The following MED25 variants were observed in gnomAD, a reference collection of about 807,000 sequenced individuals.
MED25 encodes mediator of RNA polymerase II transcription subunit 25.
Under a neutral mutation model 89.4 loss-of-function variants are expected in MED25, and 62 were observed. The observed-to-expected ratio is 0.69, with a 90% confidence interval of 0.57 to 0.86. MED25 has a LOEUF of 0.86. MED25 is among the 40% of genes least tolerant of loss of function. The pLI is 0.00. For missense variants in MED25, 905 were observed against 1,005.2 expected (o/e 0.90, Z 1.35); for synonymous variants, 449 against 427.9 (o/e 1.05, Z -0.61).
At chr19:49,818,758 G>C (rs2073958208) in intron 2 of MED25, 142 bp downstream of exon 2, 2 of 850,294 alleles carry the variant, frequency 2.4e-6, no homozygotes, top group Non-Finnish European at 3.8e-6. Flanking sequence ...TGTTCTGAGG[G>C]AGGAGGGCCT....
chr19:49,828,146 A>G (rs1256553455), intron 3 of MED25, among the ~76,000 whole-genome samples: 3 of 151,882 alleles, frequency 2.0e-5, no homozygotes, highest in Non-Finnish European at 4.4e-5. Flanking sequence ...GGAGAATGGC[A>G]TGAACCCAGG....
chr19:49,827,778 T>C (rs2074025276), intron 3 of MED25, among the ~76,000 whole-genome samples: 1 of 152,000 alleles, frequency 6.6e-6, no homozygotes, highest in Non-Finnish European at 1.5e-5. Flanking sequence ...GAAGGTGAAG[T>C]GGGGCCAGGA....
At position 49,836,511 on chromosome 19, in the gene MED25, C is replaced by T; in HGVS notation, c.2146+105C>T. 7.2e-7 allele frequency: 1 copy of T among 1,382,968 alleles called. No individual in the cohort carries two copies. Among genetic ancestry groups the T allele is most frequent in the Non-Finnish European group, 1.0e-6 (1 of 994,698 alleles). 85.7% of individuals were successfully genotyped at this position (1,382,968 alleles called of 1,614,324 possible). Reference sequence around the variant, plus strand: ...TCCTGGGAAGTAAAGACATAGGATCCAAGAATGAGGGTTCCCCCATGGCCT... The same window carrying T: ...TCCTGGGAAGTAAAGACATAGGATCTAAGAATGAGGGTTCCCCCATGGCCT... On this transcript the variant is annotated intron_variant, in intron 17 of 17. Transcript: ENST00000312865. This position sits in a 1 kb window ranked among gnomAD's most constrained non-coding sequence, Gnocchi z 5.1.
At position 49,818,854 on chromosome 19, in the gene MED25, T is replaced by C. The variant is rs1674134; in HGVS notation, c.180+238T>C. On this transcript the variant is annotated intron_variant, in intron 2 of 17. Coordinates refer to ENST00000312865, the MANE Select transcript of MED25 (RefSeq NM_030973.4). ...GGGAGGAGGGAGCTAGGGGCCCAGA[T>C]CCCTGGGTCTGAGGGAGGAAGGGCT... 369,682 of 590,184 alleles carry C rather than the reference T, an allele frequency of 0.63. 117,573 individuals carry two copies. Among genetic ancestry groups the C allele is most frequent in the East Asian group, 0.79 (26,937 of 34,256 alleles). 36.6% of individuals were successfully genotyped at this position (590,184 alleles called of 1,614,324 possible).
Position 49,836,338 on chromosome 19 carries a change from C to A in MED25, c.2078C>A (p.Pro693His). Residue 693 changes from proline to histidine, a missense_variant, in exon 17 of 18, where the codon CCC becomes CAC. Pro to His is a moderately conservative substitution (Grantham distance 77, BLOSUM62 -2). Coordinates refer to ENST00000312865, the MANE Select transcript of MED25 (RefSeq NM_030973.4). This position sits in a 1 kb window ranked among gnomAD's most constrained non-coding sequence, Gnocchi z 5.1. ...HQGLGQPQLGPPLLHPPPAQS... is the reference protein window; with the variant it reads ...HQGLGQPQLGHPLLHPPPAQS... Reference sequence around the variant, plus strand: ...GGCCTGGGGCAGCCCCAGTTGGGGCCCCCACTCCTGCATCCACCACCTGCC... The same window carrying A: ...GGCCTGGGGCAGCCCCAGTTGGGGCACCCACTCCTGCATCCACCACCTGCC... 6.2e-7 allele frequency: 1 copy of A among 1,609,886 alleles called. No individual in the cohort carries two copies. Among genetic ancestry groups the A allele is most frequent in the Non-Finnish European group, 8.5e-7 (1 of 1,178,620 alleles).
Position 49,822,796 on chromosome 19 carries a change from C to T in MED25, c.305+3500C>T, listed in dbSNP as rs543957651. Among the ~76,000 whole-genome samples, 831 of 151,696 alleles carry T rather than the reference C, an allele frequency of 5.5e-3. 7 individuals are homozygous for T. Among genetic ancestry groups the T allele is most frequent in the African/African-American group, 0.019 (804 of 41,356 alleles). ...CTGAGTAGCTGGGACTACAGGTGCC[C>T]GCCACCACACCCAGCTAATTTTTTG... is the stretch of plus-strand genomic sequence containing the variant. On this transcript the variant is annotated intron_variant, in intron 3 of 17. Coordinates refer to ENST00000312865, the MANE Select transcript of MED25 (RefSeq NM_030973.4).
At chr19:49,838,716 C>T (rs2074116065), downstream of MED25, 1 of 456,640 alleles carries the variant, frequency 2.2e-6, no homozygotes, top group Non-Finnish European at 4.4e-6. Context: ...AAGAATACAA[C>T]CTGAAACGCC....
chr19:49,818,864 T>G, intron 2 of MED25: 1 of 576,166 alleles, frequency 1.7e-6, no homozygotes, highest in Non-Finnish European at 3.0e-6. Context: ...TCCCTGGGTC[T>G]GAGGGAGGAA....
In MED25 at chr19:49,830,248, T is replaced by C. The variant is rs776274326; in HGVS notation, c.819+30T>C. On this transcript the variant is annotated intron_variant, in intron 7 of 17. Transcript: ENST00000312865. The surrounding 1 kb of genome is among the most constrained non-coding windows in gnomAD (Gnocchi z 4.6). Reference sequence around the variant, plus strand: ...GGATATTTCCGGGAAGGGACATGCTTCTGGGGACTTGCTGGAGCCCTGGCC... The same window carrying C: ...GGATATTTCCGGGAAGGGACATGCTCCTGGGGACTTGCTGGAGCCCTGGCC... The C allele has an allele frequency of 5.0e-6, 8 of 1,602,108 alleles. No homozygotes were observed. The highest frequency in any genetic ancestry group is 1.3e-5 in the African/African-American group (1 of 74,638).
rs962814936 is a variant in MED25, at chr19:49,830,205, C to A, written c.806C>A (p.Pro269His). The A allele has an allele frequency of 6.2e-7, 1 of 1,607,460 alleles. No individual in the cohort carries two copies. Among genetic ancestry groups the A allele is most frequent in the South Asian group, 1.1e-5 (1 of 90,826 alleles). Residue 269 changes from proline to histidine, a missense_variant, in exon 7 of 18, where the codon CCC becomes CAC. By Grantham distance (77) the Pro-to-His change is moderately conservative. Around this residue, in one of 3 missense-constraint regions of MED25, gnomAD observed 501 missense variants for 526.9 expected, o/e 0.95. Coordinates refer to ENST00000312865, the MANE Select transcript of MED25 (RefSeq NM_030973.4). This position sits in a 1 kb window ranked among gnomAD's most constrained non-coding sequence, Gnocchi z 4.6. The part of the protein sequence containing the change: ...AAPQQPLPPV[P>H]PQYQVPGNLS... ...CCCCAGCAGCCTCTGCCCCCCGTCC[C>A]CCCGCAGTACCAGGTATGGATATTT...
Position 49,834,490 on chromosome 19 carries a change from C to G in MED25, c.1483-496C>G, listed in dbSNP as rs541044254. On this transcript the variant is annotated intron_variant, in intron 13 of 17. Coordinates refer to ENST00000312865, the MANE Select transcript of MED25 (RefSeq NM_030973.4). This position sits in a 1 kb window ranked among gnomAD's most constrained non-coding sequence, Gnocchi z 4.1. ...AGGGCTCTTGCTGTGGATCAGACATCGCATAGTCACAGCGACCCTGTGATG... is the reference window on the plus strand; with the variant it reads ...AGGGCTCTTGCTGTGGATCAGACATGGCATAGTCACAGCGACCCTGTGATG... The G allele has an allele frequency of 5.0e-6, 1 of 199,412 alleles. No homozygotes were observed. The highest frequency in any genetic ancestry group is 5.3e-5 in the Admixed American group (1 of 19,040). The allele number at this position is 199,412 out of a possible 1,614,324, so 12.4% of individuals were successfully genotyped here.
Position 49,831,924 on chromosome 19 carries a change from T to A in MED25, c.1231-12T>A. 6.2e-7 allele frequency: 1 copy of A among 1,613,558 alleles called. No individual in the cohort carries two copies. The highest frequency in any genetic ancestry group is 8.5e-7 in the Non-Finnish European group (1 of 1,179,554). ...GGCCCTTTTTACTGACATGCTCTTTTTTCCCCCTCAGAAACCCAAACCTGC... is the reference window on the plus strand; with the variant it reads ...GGCCCTTTTTACTGACATGCTCTTTATTCCCCCTCAGAAACCCAAACCTGC... On this transcript the variant is annotated splice_polypyrimidine_tract_variant and intron_variant, in intron 10 of 17. Coordinates refer to ENST00000312865, the MANE Select transcript of MED25 (RefSeq NM_030973.4). The surrounding 1 kb of genome is among the most constrained non-coding windows in gnomAD (Gnocchi z 5.0).
rs770118042 is a variant in MED25 at position 49,835,688 on chromosome 19, C to T, written c.1747-39C>T. Reference sequence around the variant, plus strand: ...TGTGCCTGCAGAAGGGGCGTGAGGCCCTGCCCATCTCCCTCACCCCTGTGT... The same window carrying T: ...TGTGCCTGCAGAAGGGGCGTGAGGCTCTGCCCATCTCCCTCACCCCTGTGT... On this transcript the variant is annotated intron_variant, in intron 15 of 17. Transcript: ENST00000312865. The surrounding 1 kb of genome is among the most constrained non-coding windows in gnomAD (Gnocchi z 6.2). 7 of 1,595,436 alleles carry T rather than the reference C, an allele frequency of 4.4e-6. No individual in the cohort carries two copies. In the East Asian group the frequency reaches 6.9e-5, roughly 16 times the overall value.
chr19:49,820,921 T>A (rs2073977128), intron 3 of MED25, among the ~76,000 whole-genome samples: 1 of 152,212 alleles, frequency 6.6e-6, no homozygotes, highest in African/African-American at 2.4e-5. Context: ...GAAGTGGGGA[T>A]GTGGATAGTA....
Position 49,830,812 on chromosome 19 carries a change from C to T in MED25, c.1026C>T (p.Ser342=). 1.2e-6 allele frequency: 2 copies of T among 1,613,466 alleles called. No individual in the cohort carries two copies. Among genetic ancestry groups the T allele is most frequent in the Non-Finnish European group, 1.7e-6 (2 of 1,179,886 alleles). Residue 342 remains serine, a synonymous_variant, in exon 9 of 18, where the codon TCC becomes TCT. Coordinates refer to ENST00000312865, the MANE Select transcript of MED25 (RefSeq NM_030973.4). This position sits in a 1 kb window ranked among gnomAD's most constrained non-coding sequence, Gnocchi z 4.6. The stretch of plus-strand genomic sequence containing the variant: ...GCGCCCCCAAGCCACCACCTGCTTC[C>T]CAGCCCAGTCTGGTCTCCACTGTGG... ...PPGAPKPPPA[S]QPSLVSTVAP...
chr19:49,818,532 T>G, intron 1 of MED25, 39 bp from the exon 2 acceptor site: 1 of 1,614,232 alleles, frequency 6.2e-7, no homozygotes, highest in Non-Finnish European at 8.5e-7. Flanking sequence ...TCGCACAGTT[T>G]CTTGCCTGAC....
In MED25 at chr19:49,834,733, G is replaced by T; in HGVS notation, c.1483-253G>T. ...CCATGAGGAGCAGGTGGTGGCTGAA[G>T]GTTGAAGAGCTGGGCTCCAGCACTT... On this transcript the variant is annotated intron_variant, in intron 13 of 17. Transcript: ENST00000312865. This position sits in a 1 kb window ranked among gnomAD's most constrained non-coding sequence, Gnocchi z 4.1. 1 of 559,620 alleles carries T rather than the reference G, an allele frequency of 1.8e-6. No homozygotes were observed. The highest frequency in any genetic ancestry group is 3.2e-6 in the Non-Finnish European group (1 of 311,098). The allele number at this position is 559,620 out of a possible 1,614,324, so 34.7% of individuals were successfully genotyped here.
chr19:49,837,780 G>A (rs117882356), downstream of MED25, among the ~76,000 whole-genome samples: 526 of 152,252 alleles, frequency 3.5e-3, 8 homozygotes, highest in East Asian at 0.051. Context: ...GTGTCCTTAG[G>A]GGACAGTGTA....
intron 3 of MED25, chr19:49,819,768 C>T (rs1027876154): frequency 1.6e-5 from 5 of 308,356 alleles, no homozygotes; most frequent in African/African-American, 1.1e-4. Flanking sequence ...ACATTGTAGC[C>T]TCAGTGCAGG....
Sources: allele counts gnomAD v4.1 joint callset (sites outside exome capture counted in the v4.1 genomes callset), GRCh38; gene constraint gnomAD v4.1.1; regional missense constraint gnomAD v4.1.1; non-coding constraint Gnocchi (gnomAD v3.1); transcripts MANE v1.5; gene names NCBI Gene and HGNC (gene_info 2026-07-23, HGNC 2026-07-21).